CLASP1: variants seen among roughly 807,000 people sequenced by gnomAD.
CLASP1 encodes CLIP-associating protein 1.
Under a neutral mutation model 192.3 loss-of-function variants are expected in CLASP1, and 38 were observed. The observed-to-expected ratio is 0.20, with a 90% CI of 0.15 to 0.26. The LOEUF (loss-of-function observed/expected upper bound fraction) is 0.26, where lower values mean the gene tolerates loss of function less well. Among genes scored for constraint, CLASP1 ranks in the 10% least tolerant of loss-of-function variants. CLASP1 has a pLI of 1.00. For missense variants in CLASP1, 1,433 were observed against 1,932.5 expected, an observed-to-expected ratio of 0.74 and a Z score of 4.85; for synonymous variants, 691 against 712.8, an observed-to-expected ratio of 0.97 and a Z score of 0.49.
intron 2 of CLASP1, among the ~76,000 whole-genome samples, chr2:121,582,452 G>C (rs935182101): frequency 2.0e-5 from 3 of 150,156 alleles, no homozygotes; most frequent in African/African-American, 7.4e-5. Context: ...AGGAGGAAGA[G>C]AGAGAAAGAA....
chr2:121,428,872 C>T (rs1468715317), intron 20 of CLASP1, among the ~76,000 whole-genome samples: 1 of 152,186 alleles, frequency 6.6e-6, no homozygotes, highest in Admixed American at 6.5e-5. Context: ...CTCATTAAAA[C>T]CCCATGAGGG....
intron 2 of CLASP1, among the ~76,000 whole-genome samples, chr2:121,541,437 G>A (rs977852096): frequency 1.3e-5 from 2 of 152,142 alleles, no homozygotes; most frequent in African/African-American, 4.8e-5. Context: ...CTTATCCAGG[G>A]TTGTAAAGTT....
chr2:121,514,125 C>T (rs767806375), intron 7 of CLASP1, among the ~76,000 whole-genome samples: 4 of 152,184 alleles, frequency 2.6e-5, no homozygotes, highest in Non-Finnish European at 5.9e-5. Flanking sequence ...CTCTAGATCT[C>T]GGTTTCACCA....
intron 19 of CLASP1, among the ~76,000 whole-genome samples, chr2:121,430,928 AAC>A: frequency 6.6e-6 from 1 of 152,126 alleles, no homozygotes; most frequent in East Asian, 1.9e-4. Flanking sequence ...TGAATTCAGA[AAC>A]ACAAAATCAT....
At chr2:121,359,717 A>G (rs2066009192) in intron 37 of CLASP1, among the ~76,000 whole-genome samples, 1 of 152,236 alleles carries the variant, frequency 6.6e-6, no homozygotes, top group African/African-American at 2.4e-5. Flanking sequence ...TAGATAATGA[A>G]AGAGACTTAC....
chr2:121,444,280 G>A (rs1416176112), intron 19 of CLASP1, among the ~76,000 whole-genome samples: 3 of 152,072 alleles, frequency 2.0e-5, no homozygotes, highest in Non-Finnish European at 2.9e-5. Flanking sequence ...CTATATCCTC[G>A]GTGTGTAGTA....
At position 121,410,854 on chromosome 2, in the gene CLASP1, T is replaced by A. The variant is rs761498053; in HGVS notation, c.2424+12A>T. 1.3e-6 allele frequency: 2 copies of A among 1,551,628 alleles called. No homozygotes were observed. The highest frequency in any genetic ancestry group is 1.8e-6 in the Non-Finnish European group (2 of 1,127,542). On this transcript the variant is annotated intron_variant, in intron 24 of 39. Coordinates refer to ENST00000263710, the Ensembl canonical transcript of CLASP1. ...TCAAAAAGACTGTGTACATACATAC[T>A]GTGCCTCTTACCAAAGCATCAGCAA...
At chr2:121,448,470 C>A in intron 17 of CLASP1, 145 bp from the exon 18 acceptor site, 1 of 706,588 alleles carries the variant, frequency 1.4e-6, no homozygotes, top group African/African-American at 1.8e-5. Flanking sequence ...ATGTTGTAAA[C>A]TCCCTGATTC....
intron 20 of CLASP1, 113 bp downstream of exon 20, chr2:121,429,959 AC>A: frequency 1.3e-6 from 1 of 764,098 alleles, no homozygotes; most frequent in Non-Finnish European, 2.1e-6. Context: ...TCTCAGAGCC[AC>A]AAAAAATGTG....
chr2:121,401,449 C>T (rs145832146), intron 28 of CLASP1, 60 bp downstream of exon 29: 240 of 1,398,530 alleles, frequency 1.7e-4, no homozygotes, highest in Middle Eastern at 1.3e-3. Flanking sequence ...AAGAGAATGG[C>T]AAAAAGTCAC....
At chr2:121,531,160 A>T (rs533238964) in intron 2 of CLASP1, among the ~76,000 whole-genome samples, 14 of 152,178 alleles carry the variant, frequency 9.2e-5, no homozygotes, top group African/African-American at 2.9e-4. Flanking sequence ...ATTAAACGGG[A>T]AGGATTTCAA....
At chr2:121,474,450 G>A (rs1013621849) in intron 8 of CLASP1, among the ~76,000 whole-genome samples, 2 of 152,148 alleles carry the variant, frequency 1.3e-5, no homozygotes, top group African/African-American at 4.8e-5. Context: ...AGAAGGGAAG[G>A]AGGAGGCCAG....
intron 19 of CLASP1, among the ~76,000 whole-genome samples, chr2:121,431,532 CA>C (rs59217243): frequency 0.3 from 44,980 of 151,858 alleles, 10,535 homozygotes; most frequent in African/African-American, 0.65. Context: ...TAAATCAAGG[CA>C]AATCACAAAG....
chr2:121,529,880 A>G (rs2094709346), intron 3 of CLASP1, among the ~76,000 whole-genome samples: 1 of 152,254 alleles, frequency 6.6e-6, no homozygotes, highest in South Asian at 2.1e-4. Flanking sequence ...AAAGAGTGAC[A>G]GCTAATTTAG....
At position 121,425,121 on chromosome 2, in the gene CLASP1, A is replaced by G. The variant is rs773950111; in HGVS notation, c.2212+18T>C. 2 of 1,590,034 alleles carry G rather than the reference A, an allele frequency of 1.3e-6. No homozygotes were observed. The highest frequency in any genetic ancestry group is 1.4e-5 in the African/African-American group (1 of 73,888). ...ACCAAGCTGGGAATGGTATTCCAAG[A>G]TCTTTGAGAATCCTTACCTAATCCT... On this transcript the variant is annotated intron_variant, in intron 22 of 39. Transcript: ENST00000263710.
chr2:121,555,473 A>G (rs1464115127), intron 2 of CLASP1, among the ~76,000 whole-genome samples: 1 of 152,214 alleles, frequency 6.6e-6, no homozygotes, highest in Non-Finnish European at 1.5e-5. Context: ...TTCATCTATC[A>G]TCAGCATCAA....
intron 34 of CLASP1, among the ~76,000 whole-genome samples, chr2:121,369,875 A>T (rs1252671785): frequency 1.3e-5 from 2 of 151,950 alleles, no homozygotes; most frequent in Non-Finnish European, 2.9e-5. Flanking sequence ...GTGTAGATTA[A>T]CCATACTGGG....
rs533247679 is a variant in CLASP1, at chr2:121,350,152, A to G, written c.4207-1434T>C. On this transcript the variant is annotated intron_variant, in intron 37 of 39. Coordinates refer to ENST00000263710, the Ensembl canonical transcript of CLASP1. The stretch of plus-strand genomic sequence containing the variant: ...ACTGCCAGCCCTGACTGGGCTAGTC[A>G]TTCCATCCAGATTCCTTTTTGCATT... 2.2e-3 allele frequency among the ~76,000 whole-genome samples: 335 copies of G among 152,368 alleles called. 1 individual carries two copies. Among genetic ancestry groups the G allele is most frequent in the African/African-American group, 6.5e-3 (271 of 41,576 alleles).
intron 9 of CLASP1, among the ~76,000 whole-genome samples, chr2:121,469,136 C>T (rs911934016): frequency 2.0e-5 from 3 of 152,124 alleles, no homozygotes; most frequent in African/African-American, 4.8e-5. Context: ...AGGTGTTGAG[C>T]TCTGCCCTTC....
Sources: allele counts gnomAD v4.1 joint callset (sites outside exome capture counted in the v4.1 genomes callset), GRCh38; gene constraint gnomAD v4.1.1; transcripts MANE v1.5; gene names NCBI Gene and HGNC (gene_info 2026-07-23, HGNC 2026-07-21).